The following GUCA1C variants were observed in gnomAD, a reference collection of about 807,000 sequenced individuals.
GUCA1C encodes guanylate cyclase activator 1C.
Under a neutral mutation model 16.2 loss-of-function variants are expected in GUCA1C, and 15 were observed. That is an observed-to-expected ratio of 0.93 (90% CI 0.62 to 1.43). The LOEUF is 1.43. Among genes scored for constraint, GUCA1C ranks in the 40% most tolerant of loss-of-function variants. The probability of loss-of-function intolerance (pLI) is 0.00; values close to 1 mark genes in which losing one functional copy is unlikely to be tolerated. For missense variants in GUCA1C, 275 were observed against 244.8 expected (o/e 1.12, Z -0.82); for synonymous variants, 78 against 85.4 (o/e 0.91, Z 0.48).
intron 3 of GUCA1C, among the ~76,000 whole-genome samples, chr3:108,914,226 A>C (rs1478010857): frequency 2.0e-5 from 3 of 152,144 alleles, no homozygotes; most frequent in South Asian, 4.1e-4. Flanking sequence ...AGGTAACCTC[A>C]GCTATTGCCC....
chr3:108,913,060 G>A (rs1946472464), intron 3 of GUCA1C, among the ~76,000 whole-genome samples: 1 of 152,074 alleles, frequency 6.6e-6, no homozygotes, highest in Admixed American at 6.6e-5. Flanking sequence ...CAACAGATGT[G>A]ATGTTGACCA....
chr3:108,925,277 T>C (rs960846474), intron 1 of GUCA1C, among the ~76,000 whole-genome samples: 1 of 152,218 alleles, frequency 6.6e-6, no homozygotes, highest in East Asian at 1.9e-4. Flanking sequence ...AAGTTTCCTC[T>C]TAGCACCACT....
chr3:108,928,695 T>G (rs898787439), intron 1 of GUCA1C, among the ~76,000 whole-genome samples: 1 of 152,248 alleles, frequency 6.6e-6, no homozygotes, highest in Admixed American at 6.5e-5. Flanking sequence ...TTGAAAAGAC[T>G]GTCTTTTCTC....
At chr3:108,920,044 G>T (rs1946554864) in intron 2 of GUCA1C, among the ~76,000 whole-genome samples, 1 of 152,150 alleles carries the variant, frequency 6.6e-6, no homozygotes, top group Non-Finnish European at 1.5e-5. Flanking sequence ...CTCCCAGAAA[G>T]ATTAGTCCTC....
intron 3 of GUCA1C, among the ~76,000 whole-genome samples, chr3:108,909,350 C>T (rs529796144): frequency 3.8e-4 from 58 of 152,180 alleles, no homozygotes; most frequent in African/African-American, 1.3e-3. Context: ...AAGGTACAAT[C>T]GTAGAATAAA....
upstream of GUCA1C, among the ~76,000 whole-genome samples, chr3:108,954,373 G>C (rs1946929285): frequency 6.6e-6 from 1 of 152,132 alleles, no homozygotes; most frequent in Non-Finnish European, 1.5e-5. Context: ...GTAGTAAGAA[G>C]AACTTCAGAT....
intron 1 of GUCA1C, among the ~76,000 whole-genome samples, chr3:108,931,870 T>C (rs1576551018): frequency 1.4e-5 from 2 of 144,844 alleles, no homozygotes; most frequent in Non-Finnish European, 1.5e-5. Flanking sequence ...TCCTTCTTTT[T>C]TTTTTTTTTT....
intron 1 of GUCA1C, among the ~76,000 whole-genome samples, chr3:108,922,017 G>C (rs1946573349): frequency 6.6e-6 from 1 of 152,046 alleles, no homozygotes; most frequent in African/African-American, 2.4e-5. Context: ...AGTGAGAACA[G>C]ACATTGTTTG....
intron 1 of GUCA1C, among the ~76,000 whole-genome samples, chr3:108,937,148 C>T (rs1028841771): frequency 6.6e-6 from 1 of 152,160 alleles, no homozygotes; most frequent in African/African-American, 2.4e-5. Context: ...TTAATCTTCA[C>T]CCACACTCTC....
intron 2 of GUCA1C, among the ~76,000 whole-genome samples, chr3:108,917,111 T>TG (rs1310504468): frequency 6.6e-6 from 1 of 152,230 alleles, no homozygotes; most frequent in African/African-American, 2.4e-5. Context: ...TTAGGTCTGA[T>TG]GGATCTCATG....
At chr3:108,941,774 T>C (rs1946787650) in intron 1 of GUCA1C, among the ~76,000 whole-genome samples, 1 of 152,218 alleles carries the variant, frequency 6.6e-6, no homozygotes, top group Non-Finnish European at 1.5e-5. Context: ...GGAGGTATCA[T>C]CAAAGGCTGA....
At position 108,919,054 on chromosome 3, in the gene GUCA1C, T is replaced by C. The variant is rs1269514409; in HGVS notation, c.354+1382A>G. On this transcript the variant is annotated intron_variant, in intron 2 of 3. Coordinates refer to ENST00000261047, the MANE Select transcript of GUCA1C (RefSeq NM_005459.4). The stretch of plus-strand genomic sequence containing the variant: ...CAGATTACCACATTTCCCGGAATGT[T>C]TTCTCCACTTACACCCTCTCCACAG... Among the ~76,000 whole-genome samples, 4 of 152,272 alleles carry C rather than the reference T, an allele frequency of 2.6e-5. No individual in the cohort carries two copies. In the East Asian group the frequency reaches 7.7e-4, roughly 29 times the overall value.
chr3:108,924,425 T>C (rs1559843012), intron 1 of GUCA1C, among the ~76,000 whole-genome samples: 1 of 152,184 alleles, frequency 6.6e-6, no homozygotes, highest in Non-Finnish European at 1.5e-5. Flanking sequence ...AAATTCTGTT[T>C]ATGTGGTGTA....
At chr3:108,920,877 C>A (rs1041056966) in intron 1 of GUCA1C, among the ~76,000 whole-genome samples, 1 of 152,136 alleles carries the variant, frequency 6.6e-6, no homozygotes, top group Non-Finnish European at 1.5e-5. Flanking sequence ...TCCCCGTCCC[C>A]ACACATGCAT....
intron 2 of GUCA1C, among the ~76,000 whole-genome samples, chr3:108,918,557 G>T (rs1242326135): frequency 6.6e-6 from 1 of 152,076 alleles, no homozygotes; most frequent in Non-Finnish European, 1.5e-5. Context: ...CCATGTTATT[G>T]ACCTGGGGGG....
chr3:108,908,005 G>A lies in GUCA1C; in HGVS notation c.*17C>T, dbSNP rs770315110. Reference sequence around the variant, plus strand: ...AAATGTTGTGCTCATTGATAGCTGGGACAGGTATTCTCACAGCTACTTCAT... The same window carrying A: ...AAATGTTGTGCTCATTGATAGCTGGAACAGGTATTCTCACAGCTACTTCAT... On this transcript the variant is annotated 3_prime_UTR_variant, in exon 4 of 4. Coordinates refer to ENST00000261047, the MANE Select transcript of GUCA1C (RefSeq NM_005459.4). The A allele has an allele frequency of 3.8e-6, 6 of 1,583,636 alleles. No individual in the cohort carries two copies. The African/African-American group carries it at 5.4e-5, about 14-fold the overall frequency.
intron 1 of GUCA1C, among the ~76,000 whole-genome samples, chr3:108,953,025 C>T (rs1033825676): frequency 1.3e-5 from 2 of 152,218 alleles, no homozygotes; most frequent in Admixed American, 6.5e-5. Flanking sequence ...AACTGTTAAG[C>T]TTCCATTTTT....
At chr3:108,922,186 C>T (rs78175194) in intron 1 of GUCA1C, among the ~76,000 whole-genome samples, 49 of 41,988 alleles carry the variant, frequency 1.2e-3, no homozygotes, top group Non-Finnish European at 3.0e-3. Context: ...CACACACACA[C>T]ACACACACAC....
intron 3 of GUCA1C, among the ~76,000 whole-genome samples, chr3:108,915,291 T>G (rs1946496771): frequency 6.6e-6 from 1 of 152,254 alleles, no homozygotes; most frequent in Non-Finnish European, 1.5e-5. Context: ...TGATGACAAC[T>G]GTGATTGGCA....
Sources: gnomAD v4.1 joint callset for allele counts (sites outside exome capture counted in the v4.1 genomes callset) on GRCh38, gnomAD v4.1.1 for gene constraint, MANE v1.5 for transcripts, NCBI Gene and HGNC (gene_info 2026-07-23, HGNC 2026-07-21) for gene names.